UBAP1: variants seen among roughly 807,000 people sequenced by gnomAD.
UBAP1 encodes the protein ubiquitin associated protein 1, also known as ubiquitin-associated protein 1.
UBAP1 carries 5 observed loss-of-function variants against 39.0 expected under a neutral mutation model. The ratio of observed to expected loss-of-function variants is 0.13; its 90% CI spans 0.07 to 0.27. UBAP1 has a LOEUF of 0.27. Ranked by LOEUF, UBAP1 falls within the 10% of genes least tolerant of loss-of-function variation. UBAP1 has a pLI of 1.00. For synonymous variants in UBAP1, 211 were observed against 225.1 expected, an observed-to-expected ratio of 0.94 and a Z score of 0.56; for missense variants, 490 against 608.1, an observed-to-expected ratio of 0.81 and a Z score of 2.04.
chr9:34,219,693 TTCCTC>T lies in UBAP1; in HGVS notation c.-7-1201_-7-1197del, dbSNP rs1194329116. Among the ~76,000 whole-genome samples, 5 of 51,904 alleles carry T rather than the reference TTCCTC, an allele frequency of 9.6e-5. No homozygotes were observed. The East Asian group carries it at 2.0e-3, about 21-fold the overall frequency. The allele number at this position is 51,904 out of a possible 152,430, so 34.1% of individuals were successfully genotyped here. A position where few individuals can be genotyped will look rare whatever the true frequency, so the allele number is the denominator to read the frequency against. On this transcript the variant is annotated intron_variant, in intron 1 of 6. Coordinates refer to ENST00000297661, the MANE Select transcript of UBAP1 (RefSeq NM_016525.5). ...TCTTGTCTCCCTCCCCTCCCCTCCTTTCCTCTCCTCTCCTCTCCCCTCCCTTCCCC... is the reference window on the plus strand; with the variant it reads ...TCTTGTCTCCCTCCCCTCCCCTCCTTTCCTCTCCTCTCCCCTCCCTTCCCC...
chr9:34,248,319 C>G (rs1386517419), intron 4 of UBAP1, among the ~76,000 whole-genome samples: 2 of 152,194 alleles, frequency 1.3e-5, no homozygotes, highest in East Asian at 3.8e-4. Context: ...CAGGCGTGAG[C>G]CACCGCACCT....
chr9:34,211,998 T>A (rs1268086177), intron 1 of UBAP1: 1 of 430,512 alleles, frequency 2.3e-6, no homozygotes, highest in Admixed American at 2.6e-5. Context: ...GTGTAAAAGT[T>A]CTTGAATTAT....
At chr9:34,198,933 C>T (rs1388161993) in intron 1 of UBAP1, among the ~76,000 whole-genome samples, 1 of 152,130 alleles carries the variant, frequency 6.6e-6, no homozygotes, top group African/African-American at 2.4e-5. Context: ...TATTTGTGCT[C>T]CAAGGGAGTG....
intron 1 of UBAP1, among the ~76,000 whole-genome samples, chr9:34,202,013 C>T (rs748159811): frequency 2.0e-5 from 3 of 152,170 alleles, no homozygotes; most frequent in Non-Finnish European, 4.4e-5. Context: ...GGGGAAGGTG[C>T]ACTGACTTTC....
chr9:34,195,574 C>T (rs75339900), intron 1 of UBAP1, among the ~76,000 whole-genome samples: 6 of 151,192 alleles, frequency 4.0e-5, no homozygotes, highest in East Asian at 1.9e-4. Context: ...AAAGTTGTTA[C>T]GACTGTAGAG....
chr9:34,187,695 G>T (rs1830479083), intron 1 of UBAP1, among the ~76,000 whole-genome samples: 1 of 151,834 alleles, frequency 6.6e-6, no homozygotes, highest in Non-Finnish European at 1.5e-5. Flanking sequence ...TGGAAACAGA[G>T]GAATGTATTT....
At chr9:34,211,415 T>C (rs1358251435) in intron 1 of UBAP1, among the ~76,000 whole-genome samples, 1 of 152,232 alleles carries the variant, frequency 6.6e-6, no homozygotes, top group East Asian at 1.9e-4. Flanking sequence ...GTAAATTAGA[T>C]AATTTCCTGG....
intron 1 of UBAP1, among the ~76,000 whole-genome samples, chr9:34,187,375 T>C (rs577987743): frequency 4.2e-4 from 64 of 152,364 alleles, no homozygotes; most frequent in Middle Eastern, 3.4e-3. Flanking sequence ...TGCTTTCTTA[T>C]TATCTTTGGA....
At chr9:34,234,780 C>G (rs1357638560) in intron 3 of UBAP1, among the ~76,000 whole-genome samples, 1 of 152,118 alleles carries the variant, frequency 6.6e-6, no homozygotes, top group African/African-American at 2.4e-5. Context: ...ATAGCACATA[C>G]AATTCAGTAT....
chr9:34,199,180 TCTC>T (rs1295029528), intron 1 of UBAP1, among the ~76,000 whole-genome samples: 1 of 152,100 alleles, frequency 6.6e-6, no homozygotes, highest in Non-Finnish European at 1.5e-5. Context: ...TTCAAGCAGT[TCTC>T]CTGCCTCAGC....
intron 4 of UBAP1, among the ~76,000 whole-genome samples, chr9:34,243,053 CT>C (rs1336313662): frequency 1.3e-5 from 2 of 152,118 alleles, no homozygotes; most frequent in African/African-American, 4.8e-5. Context: ...TGCTTGTAAA[CT>C]TCCATAAACC....
chr9:34,184,857 C>G (rs1259930049), intron 1 of UBAP1, among the ~76,000 whole-genome samples: 1 of 150,806 alleles, frequency 6.6e-6, no homozygotes, highest in Non-Finnish European at 1.5e-5. Flanking sequence ...CTCTTGACCT[C>G]GTGATCCTCC....
chr9:34,214,581 G>T (rs146383593), intron 1 of UBAP1, among the ~76,000 whole-genome samples: 1 of 152,254 alleles, frequency 6.6e-6, no homozygotes, highest in Non-Finnish European at 1.5e-5. Flanking sequence ...ATTGGCTTAG[G>T]CGAGGATTTC....
chr9:34,180,891 A>G (rs887150996), intron 1 of UBAP1, among the ~76,000 whole-genome samples: 2 of 150,610 alleles, frequency 1.3e-5, no homozygotes, highest in Admixed American at 6.6e-5. Flanking sequence ...GCTTGCTGCA[A>G]CCTCCGCCTC....
intron 1 of UBAP1, chr9:34,212,068 AT>A: frequency 5.2e-6 from 2 of 387,424 alleles, no homozygotes; most frequent in Non-Finnish European, 5.2e-6. Flanking sequence ...TTTTATTGTT[AT>A]TTTTGATTGA....
In UBAP1 at chr9:34,241,796, AC is replaced by A; in HGVS notation, c.773del (p.Pro258LeufsTer3). 1 of 1,613,918 alleles carries A rather than the reference AC, an allele frequency of 6.2e-7. No homozygotes were observed. The highest frequency in any genetic ancestry group is 8.5e-7 in the Non-Finnish European group (1 of 1,179,964). Reference sequence around the variant, plus strand: ...CTTCCAAAGTGTCCCTCCCCCCTATACCTGCAGTAAGCAATATCAAATCCCT... The same window carrying A: ...CTTCCAAAGTGTCCCTCCCCCCTATACTGCAGTAAGCAATATCAAATCCCT... ...LSSKVSLPPIPAVSNIKSLSF... is the reference protein window; with the variant it reads ...LSSKVSLPPIXAVSNIKSLSF... On this transcript the variant is annotated frameshift_variant, in exon 4 of 7. Transcript: ENST00000297661. LOFTEE classifies it high-confidence loss of function.
chr9:34,248,789 C>T (rs1184777902), intron 4 of UBAP1, among the ~76,000 whole-genome samples: 1 of 152,140 alleles, frequency 6.6e-6, no homozygotes, highest in Non-Finnish European at 1.5e-5. Context: ...CAGAGGGCTT[C>T]CTACCACCTA....
chr9:34,214,255 A>G (rs1217539072), intron 1 of UBAP1, among the ~76,000 whole-genome samples: 2 of 152,168 alleles, frequency 1.3e-5, no homozygotes, highest in African/African-American at 2.4e-5. Context: ...GCATCACACT[A>G]CCTGATTTCA....
intron 1 of UBAP1, among the ~76,000 whole-genome samples, chr9:34,209,213 T>A (rs527562563): frequency 8.7e-4 from 133 of 152,276 alleles, no homozygotes; most frequent in African/African-American, 3.0e-3. Context: ...AGTGCTGGGA[T>A]TACAGGCGTG....
Sources: gnomAD v4.1 joint callset for allele counts (sites outside exome capture counted in the v4.1 genomes callset) on GRCh38, gnomAD v4.1.1 for gene constraint, MANE v1.5 for transcripts, NCBI Gene and HGNC (gene_info 2026-07-23, HGNC 2026-07-21) for gene names.